Variants in KCNAB1 observed in about 807,000 individuals in gnomAD.
KCNAB1 encodes the protein voltage-gated potassium channel subunit beta-1.
In KCNAB1, 35 loss-of-function variants were observed where a neutral mutation model predicts 64.6. The observed-to-expected ratio is 0.54, with a 90% CI of 0.41 to 0.72. The LOEUF (loss-of-function observed/expected upper bound fraction) is 0.72, where lower values mean the gene tolerates loss of function less well. Among genes scored for constraint, KCNAB1 ranks in the 30% least tolerant of loss-of-function variants. The pLI, the probability that KCNAB1 is intolerant of heterozygous loss-of-function variation, is 0.00. For synonymous variants in KCNAB1, 177 were observed against 183.8 expected, an observed-to-expected ratio of 0.96 and a Z score of 0.30; for missense variants, 401 against 512.9, an observed-to-expected ratio of 0.78 and a Z score of 2.11.
intron 1 of KCNAB1, among the ~76,000 whole-genome samples, chr3:156,270,246 T>C (rs1054263475): frequency 6.6e-6 from 1 of 152,160 alleles, no homozygotes; most frequent in Non-Finnish European, 1.5e-5. Flanking sequence ...AGGCACTCTA[T>C]GTATTTTGAC....
At chr3:156,477,937 A>G (rs930931919) in intron 8 of KCNAB1, among the ~76,000 whole-genome samples, 1 of 152,142 alleles carries the variant, frequency 6.6e-6, no homozygotes, top group Non-Finnish European at 1.5e-5. Flanking sequence ...CAGTGTGTGT[A>G]TGGGAATAAA....
intron 1 of KCNAB1, among the ~76,000 whole-genome samples, chr3:156,369,453 T>C (rs547063396): frequency 5.3e-4 from 81 of 152,248 alleles, no homozygotes; most frequent in Non-Finnish European, 9.6e-4. Context: ...CTTAGATATA[T>C]AGAAATAGCT....
intron 1 of KCNAB1, among the ~76,000 whole-genome samples, chr3:156,239,266 T>C (rs1292358753): frequency 4.6e-5 from 7 of 152,246 alleles, no homozygotes; most frequent in East Asian, 1.9e-4. Context: ...TTTGTGGTCA[T>C]TGGGCAGCAC....
intron 1 of KCNAB1, among the ~76,000 whole-genome samples, chr3:156,221,604 C>A (rs150006668): frequency 2.5e-4 from 38 of 152,092 alleles, no homozygotes; most frequent in African/African-American, 8.0e-4. Flanking sequence ...ATGGTGAAAC[C>A]CTGTCTGTAC....
intron 1 of KCNAB1, among the ~76,000 whole-genome samples, chr3:156,237,810 C>T (rs768939612): frequency 3.3e-5 from 5 of 152,080 alleles, no homozygotes; most frequent in East Asian, 1.9e-4. Context: ...TTTTTACCTC[C>T]GATGTGACTT....
Position 156,296,473 on chromosome 3 carries a change from C to A in KCNAB1, c.276-125143C>A, listed in dbSNP as rs1384900025. Among the ~76,000 whole-genome samples the A allele has an allele frequency of 4.4e-3, 374 of 84,912 alleles. 1 individual carries two copies. Among genetic ancestry groups the A allele is most frequent in the African/African-American group, 0.014 (317 of 22,392 alleles). 55.7% of individuals were successfully genotyped at this position (84,912 alleles called of 152,430 possible). ...TAAAAACTTCAACTCCCCCCCCCCC[C>A]ACCTTTTTTTTTTTTTTTGAGATGG... On this transcript the variant is annotated intron_variant, in intron 1 of 13. Transcript: ENST00000490337.
chr3:156,365,037 A>C lies in KCNAB1; in HGVS notation c.276-56579A>C, dbSNP rs371029736. Among the ~76,000 whole-genome samples the C allele has an allele frequency of 2.6e-5, 4 of 152,312 alleles. No individual in the cohort carries two copies. The South Asian group carries it at 8.3e-4, about 32-fold the overall frequency. ...GTCATCTCCAGAAACGAAGTCTAGC[A>C]TAGGTATTTGAGGGACTTAGATCCA... On this transcript the variant is annotated intron_variant, in intron 1 of 13. Coordinates refer to ENST00000490337, the MANE Select transcript of KCNAB1 (RefSeq NM_172160.3).
chr3:156,480,335 A>G (rs1277176403), intron 8 of KCNAB1, among the ~76,000 whole-genome samples: 1 of 152,114 alleles, frequency 6.6e-6, no homozygotes, highest in Non-Finnish European at 1.5e-5. Flanking sequence ...ACATCATTAA[A>G]AAAGTAAAAA....
chr3:156,297,017 T>C (rs991213518), intron 1 of KCNAB1, among the ~76,000 whole-genome samples: 1 of 152,214 alleles, frequency 6.6e-6, no homozygotes, highest in Non-Finnish European at 1.5e-5. Context: ...GTATTCATTT[T>C]TGTCTGCATG....
At chr3:156,302,043 T>C (rs544460456) in intron 1 of KCNAB1, among the ~76,000 whole-genome samples, 57 of 152,322 alleles carry the variant, frequency 3.7e-4, no homozygotes, top group Admixed American at 9.8e-4. Context: ...GCAAAGCTCC[T>C]TTTCTCTGGA....
At chr3:156,407,752 A>G (rs994904411) in intron 1 of KCNAB1, among the ~76,000 whole-genome samples, 1 of 152,078 alleles carries the variant, frequency 6.6e-6, no homozygotes, top group Non-Finnish European at 1.5e-5. Flanking sequence ...CCCACACCCC[A>G]CAAGCTGTGA....
intron 1 of KCNAB1, among the ~76,000 whole-genome samples, chr3:156,227,343 T>C (rs1320298531): frequency 6.6e-6 from 1 of 152,176 alleles, no homozygotes; most frequent in African/African-American, 2.4e-5. Flanking sequence ...TTCTCAAAGG[T>C]ATTTAATAGG....
chr3:156,530,907 G>T (rs796857164), intron 12 of KCNAB1, among the ~76,000 whole-genome samples: 2 of 152,294 alleles, frequency 1.3e-5, no homozygotes, highest in African/African-American at 2.4e-5. Context: ...ATCTGCTGGT[G>T]AGCAGTGTTA....
chr3:156,200,833 T>C (rs1197049625), intron 1 of KCNAB1, among the ~76,000 whole-genome samples: 1 of 152,196 alleles, frequency 6.6e-6, no homozygotes, highest in Non-Finnish European at 1.5e-5. Flanking sequence ...TCTGTTTTGC[T>C]ATGGTTCCAG....
intron 8 of KCNAB1, among the ~76,000 whole-genome samples, chr3:156,505,042 G>T (rs367843726): frequency 5.3e-5 from 8 of 151,968 alleles, no homozygotes; most frequent in African/African-American, 1.7e-4. Flanking sequence ...TTCAGGTCAG[G>T]TCTTACATTT....
At chr3:156,254,426 G>A (rs1717987567) in intron 1 of KCNAB1, among the ~76,000 whole-genome samples, 1 of 152,194 alleles carries the variant, frequency 6.6e-6, no homozygotes, top group African/African-American at 2.4e-5. Context: ...GGAATGGTTA[G>A]GCTTATATGT....
chr3:156,471,252 A>G (rs1201637742), intron 7 of KCNAB1, among the ~76,000 whole-genome samples: 1 of 152,130 alleles, frequency 6.6e-6, no homozygotes, highest in Non-Finnish European at 1.5e-5. Flanking sequence ...GAATAAACAT[A>G]TTTCTTTAGA....
At chr3:156,216,559 A>G (rs147678319) in intron 1 of KCNAB1, among the ~76,000 whole-genome samples, 1 of 152,220 alleles carries the variant, frequency 6.6e-6, no homozygotes, top group East Asian at 1.9e-4. Flanking sequence ...ACTAGAATGA[A>G]TAACATTTGA....
In KCNAB1 at chr3:156,395,544, C is replaced by CAAAAAAAA. The variant is rs61017269; in HGVS notation, c.276-26038_276-26031dup. Among the ~76,000 whole-genome samples the CAAAAAAAA allele has an allele frequency of 8.7e-3, 222 of 25,448 alleles. 73 individuals are homozygous for CAAAAAAAA. The highest frequency in any genetic ancestry group is 0.019 in the Non-Finnish European group (168 of 8,982). The allele number at this position is 25,448 out of a possible 152,430, so 16.7% of individuals were successfully genotyped here. A position where few individuals can be genotyped will look rare whatever the true frequency, so the allele number is the denominator to read the frequency against. Reference sequence around the variant, plus strand: ...TGGGCGACAGAGCGAGACTCCGTCTCAAAAAAAAAAAAAAAAAAAAAAAAA... The same window carrying CAAAAAAAA: ...TGGGCGACAGAGCGAGACTCCGTCTCAAAAAAAAAAAAAAAAAAAAAAAAAAAAAAAAA... On this transcript the variant is annotated intron_variant, in intron 1 of 13. Coordinates refer to ENST00000490337, the MANE Select transcript of KCNAB1 (RefSeq NM_172160.3).
Sources: gnomAD v4.1 joint callset for allele counts (sites outside exome capture counted in the v4.1 genomes callset) on GRCh38, gnomAD v4.1.1 for gene constraint, MANE v1.5 for transcripts, NCBI Gene and HGNC (gene_info 2026-07-23, HGNC 2026-07-21) for gene names.